RANBP2: variants seen among roughly 807,000 people sequenced by gnomAD.
The protein encoded by RANBP2 is E3 SUMO-protein ligase RanBP2.
A neutral mutation model predicts 303.6 loss-of-function variants in RANBP2; 57 were observed. The ratio of observed to expected loss-of-function variants is 0.19; its 90% CI spans 0.15 to 0.23. RANBP2 has a LOEUF of 0.23. RANBP2 is among the 10% of genes least tolerant of loss of function. The probability of loss-of-function intolerance (pLI) is 1.00; values close to 1 mark genes in which losing one functional copy is unlikely to be tolerated. For synonymous variants in RANBP2, 1,167 were observed against 1,301.5 expected, an observed-to-expected ratio of 0.90 and a Z score of 2.23; for missense variants, 3,138 against 3,780.8, an observed-to-expected ratio of 0.83 and a Z score of 4.46.
the RANBP2 span, among the ~76,000 whole-genome samples, chr2:109,301,458 C>T: frequency 4.6e-5 from 7 of 152,258 alleles, no homozygotes; most frequent in South Asian, 2.1e-4. Flanking sequence ...CTGGCCCCTT[C>T]GCTGTTTGAT....
chr2:109,518,407 A>G, the RANBP2 span, among the ~76,000 whole-genome samples: 1 of 152,158 alleles, frequency 6.6e-6, no homozygotes, highest in East Asian at 1.9e-4. Context: ...AGGGGTTCAG[A>G]GAGGTTAGGT....
the RANBP2 span, among the ~76,000 whole-genome samples, chr2:109,177,558 G>C: frequency 6.6e-6 from 1 of 151,996 alleles, no homozygotes; most frequent in South Asian, 2.1e-4. Context: ...CTGGGGGGGG[G>C]CACCATTCCT....
At chr2:108,810,918 T>C in the RANBP2 span, among the ~76,000 whole-genome samples, 2 of 152,172 alleles carry the variant, frequency 1.3e-5, no homozygotes, top group East Asian at 3.9e-4. Context: ...TTACGTTATA[T>C]GTGCCTAGGA....
At chr2:109,143,742 A>T in the RANBP2 span, among the ~76,000 whole-genome samples, 1 of 145,102 alleles carries the variant, frequency 6.9e-6, no homozygotes, top group African/African-American at 2.5e-5. Context: ...CAACAGAGTG[A>T]CACCCTGTCT....
chr2:109,600,448 GAATAT>G, the RANBP2 span, among the ~76,000 whole-genome samples: 9 of 150,318 alleles, frequency 6.0e-5, no homozygotes, highest in East Asian at 1.8e-3. Context: ...TAAATTCCTA[GAATAT>G]AATTCCTGTT....
chr2:109,608,984 TC>T, the RANBP2 span, among the ~76,000 whole-genome samples: 3 of 152,222 alleles, frequency 2.0e-5, no homozygotes, highest in Non-Finnish European at 4.4e-5. Context: ...AGGGACTCTA[TC>T]CTGCAGTAGA....
At chr2:109,392,583 A>G in the RANBP2 span, among the ~76,000 whole-genome samples, 1 of 151,720 alleles carries the variant, frequency 6.6e-6, no homozygotes, top group African/African-American at 2.4e-5. Flanking sequence ...ATCTTGGCTC[A>G]CTGCAAGCTC....
chr2:108,999,721 T>C, the RANBP2 span, among the ~76,000 whole-genome samples: 1 of 152,204 alleles, frequency 6.6e-6, no homozygotes, highest in Admixed American at 6.5e-5. Flanking sequence ...ATTTTAGGCT[T>C]CCTAGAAGGC....
the RANBP2 span, among the ~76,000 whole-genome samples, chr2:108,965,072 C>T: frequency 6.6e-6 from 1 of 152,070 alleles, no homozygotes; most frequent in Non-Finnish European, 1.5e-5. Context: ...AACTATGCCA[C>T]CCACTTAGAA....
At chr2:109,587,907 C>T in the RANBP2 span, among the ~76,000 whole-genome samples, 1 of 147,966 alleles carries the variant, frequency 6.8e-6, no homozygotes, top group Admixed American at 6.7e-5. Flanking sequence ...AGCAAGACTC[C>T]ATCTCCAAAA....
the RANBP2 span, among the ~76,000 whole-genome samples, chr2:109,189,061 T>C: frequency 6.6e-6 from 1 of 152,224 alleles, no homozygotes; most frequent in East Asian, 1.9e-4. Flanking sequence ...GTCCCTCCAG[T>C]GGAAACCCAC....
chr2:108,870,551 C>T, the RANBP2 span, among the ~76,000 whole-genome samples: 2 of 152,142 alleles, frequency 1.3e-5, no homozygotes, highest in Admixed American at 1.3e-4. Flanking sequence ...GACATCAAGA[C>T]ACATTATCAT....
chr2:109,078,130 T>TTCAGCCTTA, the RANBP2 span, among the ~76,000 whole-genome samples: 1 of 101,562 alleles, frequency 9.8e-6, no homozygotes, highest in Non-Finnish European at 2.0e-5. Flanking sequence ...CGTGTATATA[T>TTCAGCCTTA]ATATAGCGTG....
the RANBP2 span, among the ~76,000 whole-genome samples, chr2:109,061,060 T>C: frequency 6.6e-6 from 1 of 151,960 alleles, no homozygotes. Flanking sequence ...AACCTATTTG[T>C]CCTCTGCTTG....
the RANBP2 span, among the ~76,000 whole-genome samples, chr2:109,031,443 C>A: frequency 6.6e-6 from 1 of 151,832 alleles, no homozygotes; most frequent in South Asian, 2.1e-4. Flanking sequence ...CCCTGGAGGC[C>A]CCCTCTTACT....
chr2:109,028,850 T>A, the RANBP2 span, among the ~76,000 whole-genome samples: 1 of 152,224 alleles, frequency 6.6e-6, no homozygotes, highest in African/African-American at 2.4e-5. Context: ...TCAGGATCTG[T>A]GTGGCTGTCA....
the RANBP2 span, among the ~76,000 whole-genome samples, chr2:109,556,777 A>G: frequency 6.6e-6 from 1 of 152,174 alleles, no homozygotes; most frequent in African/African-American, 2.4e-5. Flanking sequence ...ATGTAAAAAT[A>G]TCTTGAATTC....
At chr2:109,216,469 G>A in the RANBP2 span, among the ~76,000 whole-genome samples, 1 of 152,212 alleles carries the variant, frequency 6.6e-6, no homozygotes, top group Non-Finnish European at 1.5e-5. Flanking sequence ...GCGGTGCAGG[G>A]CTTATCCATG....
chr2:109,489,393 G>A, the RANBP2 span, among the ~76,000 whole-genome samples: 1 of 152,226 alleles, frequency 6.6e-6, no homozygotes, highest in African/African-American at 2.4e-5. Context: ...GGCTGGGGCC[G>A]GAGCAGTTGT....
Sources: allele counts gnomAD v4.1 joint callset (sites outside exome capture counted in the v4.1 genomes callset), GRCh38; gene constraint gnomAD v4.1.1; transcripts MANE v1.5; gene names NCBI Gene and HGNC (gene_info 2026-07-23, HGNC 2026-07-21).